GTPBP10: variants seen among roughly 807,000 people sequenced by gnomAD.
GTPBP10 encodes GTP-binding protein 10.
A neutral mutation model predicts 44.8 loss-of-function variants in GTPBP10; 38 were observed. That is an observed-to-expected ratio of 0.85 (90% CI 0.65 to 1.11). GTPBP10 has a LOEUF of 1.11. GTPBP10 is among the 50% of genes most tolerant of loss of function. The probability of loss-of-function intolerance (pLI) is 0.00; values close to 1 mark genes in which losing one functional copy is unlikely to be tolerated. For missense variants in GTPBP10, 462 were observed against 453.7 expected, an observed-to-expected ratio of 1.02 and a Z score of -0.17; for synonymous variants, 152 against 150.6, an observed-to-expected ratio of 1.01 and a Z score of -0.07.
intron 1 of GTPBP10, among the ~76,000 whole-genome samples, chr7:90,350,164 G>A (rs1299634700): frequency 2.6e-5 from 4 of 152,118 alleles, no homozygotes; most frequent in Non-Finnish European, 4.4e-5. Context: ...GTGAGAACAT[G>A]TGGTGTTTGG....
intron 4 of GTPBP10, 35 bp downstream of exon 4, chr7:90,355,265 CAG>C (rs772584485): frequency 2.3e-6 from 3 of 1,312,344 alleles, no homozygotes; most frequent in South Asian, 1.7e-5. Flanking sequence ...ATTATACTTT[CAG>C]AGAGAGAGTT....
chr7:90,356,714 T>C (rs1795908310), intron 4 of GTPBP10, among the ~76,000 whole-genome samples: 1 of 152,204 alleles, frequency 6.6e-6, no homozygotes, highest in Admixed American at 6.5e-5. Flanking sequence ...TCATCTTTAA[T>C]AGTGTATGGA....
chr7:90,369,152 AT>A (rs1313312362), intron 4 of GTPBP10, among the ~76,000 whole-genome samples: 2 of 152,076 alleles, frequency 1.3e-5, no homozygotes, highest in East Asian at 3.9e-4. Flanking sequence ...TTGCTGCCTG[AT>A]TTTTGCTCTG....
chr7:90,360,903 G>A (rs1034111828), intron 4 of GTPBP10, among the ~76,000 whole-genome samples: 3 of 152,148 alleles, frequency 2.0e-5, no homozygotes, highest in Non-Finnish European at 4.4e-5. Context: ...AAGCAATTGT[G>A]AATGGGCGTT....
chr7:90,385,130 T>C lies in GTPBP10; in HGVS notation c.1140T>C (p.Thr380=). The C allele has an allele frequency of 6.2e-7, 1 of 1,606,688 alleles. No individual in the cohort carries two copies. The highest frequency in any genetic ancestry group is 8.5e-7 in the Non-Finnish European group (1 of 1,175,580). ...STEPPSKHAV[T]TSKMDII Reference sequence around the variant, plus strand: ...AGCCACCATCAAAGCATGCTGTTACTACTTCCAAAATGGATATAATTTAAA... The same window carrying C: ...AGCCACCATCAAAGCATGCTGTTACCACTTCCAAAATGGATATAATTTAAA... Residue 380 remains threonine (T), a synonymous_variant, in exon 10 of 10, where the codon ACT becomes ACC. Transcript: ENST00000222511.
rs927534727 is a variant in GTPBP10 at position 90,386,890 on chromosome 7, C to T, written c.*1736C>T. Reference sequence around the variant, plus strand: ...TAAGTAACTAATAAAAGCTCCCTTTCTGCATTAGGCCCCTCAGTTCTTCCC... The same window carrying T: ...TAAGTAACTAATAAAAGCTCCCTTTTTGCATTAGGCCCCTCAGTTCTTCCC... On this transcript the variant is annotated 3_prime_UTR_variant, in exon 10 of 10. Transcript: ENST00000222511. 1.3e-5 allele frequency: 2 copies of T among 152,158 alleles called. No homozygotes were observed. The highest frequency in any genetic ancestry group is 4.8e-5 in the African/African-American group (2 of 41,440). 9.4% of individuals were successfully genotyped at this position (152,158 alleles called of 1,614,324 possible).
At chr7:90,378,838 G>A (rs1796389473) in intron 8 of GTPBP10, among the ~76,000 whole-genome samples, 1 of 152,126 alleles carries the variant, frequency 6.6e-6, no homozygotes, top group Admixed American at 6.6e-5. Context: ...GAGTAGCTGG[G>A]ATTACAAGCG....
chr7:90,376,847 G>T (rs963191117), intron 6 of GTPBP10, among the ~76,000 whole-genome samples: 1 of 152,172 alleles, frequency 6.6e-6, no homozygotes, highest in African/African-American at 2.4e-5. Context: ...TAACCTCATA[G>T]ATTTTTACGA....
chr7:90,348,607 T>C (rs956095215), intron 1 of GTPBP10, among the ~76,000 whole-genome samples: 6 of 150,128 alleles, frequency 4.0e-5, no homozygotes, highest in Non-Finnish European at 8.9e-5. Context: ...TTGGTCTTGC[T>C]CTCTTGGGTG....
intron 1 of GTPBP10, among the ~76,000 whole-genome samples, chr7:90,347,064 A>G (rs965536495): frequency 1.3e-5 from 2 of 152,040 alleles, no homozygotes; most frequent in African/African-American, 4.8e-5. Context: ...CTGTGGCCCA[A>G]ATGTTGTGGT....
intron 4 of GTPBP10, among the ~76,000 whole-genome samples, chr7:90,361,380 A>G (rs1170815261): frequency 1.3e-5 from 2 of 150,638 alleles, no homozygotes; most frequent in East Asian, 2.0e-4. Flanking sequence ...TTCTGCATCT[A>G]TTGAGATAAT....
intron 1 of GTPBP10, among the ~76,000 whole-genome samples, chr7:90,352,257 T>C (rs1368138281): frequency 6.6e-6 from 1 of 152,218 alleles, no homozygotes; most frequent in African/African-American, 2.4e-5. Flanking sequence ...ACCATGGTTC[T>C]GTTACTTTAG....
chr7:90,371,231 A>G (rs1354766101), intron 4 of GTPBP10: 1 of 940,434 alleles, frequency 1.1e-6, no homozygotes, highest in Admixed American at 6.2e-5. Context: ...ACCTGTATAC[A>G]CATTTTTTAC....
intron 1 of GTPBP10, among the ~76,000 whole-genome samples, chr7:90,350,265 G>A (rs900089772): frequency 6.6e-5 from 10 of 152,284 alleles, no homozygotes; most frequent in Admixed American, 1.3e-4. Context: ...GTATTCCATC[G>A]TGTATATGTG....
Position 90,385,620 on chromosome 7 carries a change from A to T in GTPBP10, c.*466A>T, listed in dbSNP as rs1167684321. On this transcript the variant is annotated 3_prime_UTR_variant, in exon 10 of 10. Coordinates refer to ENST00000222511, the MANE Select transcript of GTPBP10 (RefSeq NM_033107.4). ...ATCCAGTTTTTCTACGTCATTTTTT[A>T]AAATTATATTTAATTTTTTTATTTT... 2 of 152,294 alleles carry T rather than the reference A, an allele frequency of 1.3e-5. No individual in the cohort carries two copies. The highest frequency in any genetic ancestry group is 2.9e-5 in the Non-Finnish European group (2 of 68,084). 9.4% of individuals were successfully genotyped at this position (152,294 alleles called of 1,614,324 possible).
chr7:90,346,851 T>G (rs983013088), intron 1 of GTPBP10, 77 bp downstream of exon 1: 2 of 1,483,820 alleles, frequency 1.3e-6, no homozygotes, highest in Non-Finnish European at 1.9e-6. Context: ...GTCTCTCCAC[T>G]ACTGTCTTCG....
chr7:90,374,831 A>G (rs1156422923), intron 6 of GTPBP10, among the ~76,000 whole-genome samples: 1 of 152,234 alleles, frequency 6.6e-6, no homozygotes, highest in Non-Finnish European at 1.5e-5. Flanking sequence ...AAAAAAGGAA[A>G]GTAACAATAT....
intron 1 of GTPBP10, among the ~76,000 whole-genome samples, chr7:90,348,848 G>C (rs1189396289): frequency 1.3e-5 from 2 of 152,168 alleles, no homozygotes; most frequent in Admixed American, 1.3e-4. Flanking sequence ...AAGCAGTCCT[G>C]AACAATAGGA....
At chr7:90,382,471 T>C (rs894041794) in intron 8 of GTPBP10, among the ~76,000 whole-genome samples, 2 of 152,188 alleles carry the variant, frequency 1.3e-5, no homozygotes, top group Non-Finnish European at 2.9e-5. Flanking sequence ...TCATGTAGGC[T>C]AGAGTGCAGA....
Sources: gnomAD v4.1 joint callset for allele counts (sites outside exome capture counted in the v4.1 genomes callset) on GRCh38, gnomAD v4.1.1 for gene constraint, MANE v1.5 for transcripts, NCBI Gene and HGNC (gene_info 2026-07-23, HGNC 2026-07-21) for gene names.